The following KCTD21 variants were observed in gnomAD, a reference collection of about 807,000 sequenced individuals.
The protein encoded by KCTD21 is BTB/POZ domain-containing protein KCTD21.
A neutral mutation model predicts 13.2 loss-of-function variants in KCTD21; 9 were observed. The observed-to-expected ratio is 0.68, with a 90% CI of 0.41 to 1.19. The LOEUF (loss-of-function observed/expected upper bound fraction) is 1.19, where lower values mean the gene tolerates loss of function less well. Among genes scored for constraint, KCTD21 ranks in the 50% most tolerant of loss-of-function variants. The pLI is 0.01. For synonymous variants in KCTD21, 142 were observed against 137.4 expected, an observed-to-expected ratio of 1.03 and a Z score of -0.23; for missense variants, 303 against 336.5, an observed-to-expected ratio of 0.90 and a Z score of 0.78.
intron 1 of KCTD21, among the ~76,000 whole-genome samples, chr11:78,176,064 C>T (rs999947517): frequency 6.6e-6 from 1 of 152,160 alleles, no homozygotes; most frequent in African/African-American, 2.4e-5. Flanking sequence ...AGGACATGAA[C>T]TCATCATTTT....
At chr11:78,178,721 GGGCAAAAAATCTGA>G (rs1221375603) in intron 1 of KCTD21, among the ~76,000 whole-genome samples, 1 of 152,118 alleles carries the variant, frequency 6.6e-6, no homozygotes, top group Admixed American at 6.6e-5. Flanking sequence ...CCAAGGTCTG[GGGCAAAAAATCTGA>G]GGCCAATTCT....
At chr11:78,183,716 C>G (rs1271868414) in intron 1 of KCTD21, among the ~76,000 whole-genome samples, 1 of 149,946 alleles carries the variant, frequency 6.7e-6, no homozygotes, top group Non-Finnish European at 1.5e-5. Context: ...CTCACTGCAA[C>G]CTCCGCCTCC....
intron 1 of KCTD21, chr11:78,188,055 T>TATGCA (rs1204293865): frequency 1.0e-6 from 1 of 985,336 alleles, no homozygotes; most frequent in Non-Finnish European, 1.2e-6. Flanking sequence ...GGAGGTGTTC[T>TATGCA]ATGCATCACA....
chr11:78,187,038 C>G (rs1203672224), intron 1 of KCTD21: 2 of 985,294 alleles, frequency 2.0e-6, no homozygotes, highest in Non-Finnish European at 2.4e-6. Context: ...AATTTTCAAT[C>G]TGGAATCTAA....
At chr11:78,185,618 G>C (rs1030736211) in intron 1 of KCTD21, among the ~76,000 whole-genome samples, 1 of 151,598 alleles carries the variant, frequency 6.6e-6, no homozygotes, top group African/African-American at 2.4e-5. Context: ...TTGAGATAGA[G>C]TCTCGCTCTG....
chr11:78,187,103 C>T (rs1552347), intron 1 of KCTD21: 21,725 of 985,318 alleles, frequency 0.022, 260 homozygotes, highest in South Asian at 0.047. Flanking sequence ...GGAGAGTTTC[C>T]ACTGCGTAAG....
At chr11:78,178,213 C>A (rs1293316821) in intron 1 of KCTD21, among the ~76,000 whole-genome samples, 1 of 151,818 alleles carries the variant, frequency 6.6e-6, no homozygotes, top group African/African-American at 2.4e-5. Context: ...GCAACCTCTG[C>A]CTCCCAGATT....
At chr11:78,180,655 C>A (rs1862588815) in intron 1 of KCTD21, among the ~76,000 whole-genome samples, 2 of 103,002 alleles carry the variant, frequency 1.9e-5, no homozygotes, top group Non-Finnish European at 2.3e-5. Flanking sequence ...TACTATATAC[C>A]TATTAGTGGC....
chr11:78,187,344 C>T (rs1324820191), intron 1 of KCTD21: 2 of 985,214 alleles, frequency 2.0e-6, no homozygotes, highest in Non-Finnish European at 2.4e-6. Flanking sequence ...CTAAGAAATC[C>T]GAAGGCTGCT....
chr11:78,174,694 T>G (rs901728435), intron 1 of KCTD21, 111 bp from the exon 2 acceptor site: 6 of 705,358 alleles, frequency 8.5e-6, no homozygotes, highest in African/African-American at 1.8e-5. Context: ...CGAAATGAAT[T>G]AATACCTGAT....
intron 1 of KCTD21, among the ~76,000 whole-genome samples, chr11:78,175,743 T>TTTA (rs1191255249): frequency 6.6e-6 from 1 of 152,132 alleles, no homozygotes; most frequent in African/African-American, 2.4e-5. Flanking sequence ...TTTTTTAAAT[T>TTTA]TTATTATTAT....
At position 78,171,339 on chromosome 11, in the gene KCTD21, G is replaced by A. The variant is rs1481637356; in HGVS notation, c.*2433C>T. The A allele has an allele frequency of 6.6e-6, 1 of 152,652 alleles. No individual in the cohort carries two copies. The highest frequency in any genetic ancestry group is 1.9e-4 in the East Asian group (1 of 5,200). 9.5% of individuals were successfully genotyped at this position (152,652 alleles called of 1,614,324 possible). A position where few individuals can be genotyped will look rare whatever the true frequency, so the allele number is the denominator to read the frequency against. Reference sequence around the variant, plus strand: ...GAGGTAGGTAGGGTTATGTATTACTGTTATGCCTATTTCACAGATGAAGAA... The same window carrying A: ...GAGGTAGGTAGGGTTATGTATTACTATTATGCCTATTTCACAGATGAAGAA... On this transcript the variant is annotated 3_prime_UTR_variant, in exon 2 of 2. Transcript: ENST00000340067.
chr11:78,183,858 ATC>A (rs1212612651), intron 1 of KCTD21, among the ~76,000 whole-genome samples: 1 of 151,980 alleles, frequency 6.6e-6, no homozygotes, highest in African/African-American at 2.4e-5. Flanking sequence ...GATGGTCTCG[ATC>A]TCCTGACCTC....
At position 78,174,469 on chromosome 11, in the gene KCTD21, A is replaced by T; in HGVS notation, c.86T>A (p.Leu29Gln). 6.2e-7 allele frequency: 1 copy of T among 1,614,082 alleles called. No homozygotes were observed. Among genetic ancestry groups the T allele is most frequent in the Non-Finnish European group, 8.5e-7 (1 of 1,179,994 alleles). Residue 29 changes from leucine to glutamine, a missense_variant, in exon 2 of 2, where the codon CTA becomes CAA. Leu to Gln is a moderately radical substitution (Grantham distance 113). Transcript: ENST00000340067. ...CATCTTCCCGCTGAACATGGCGCCT[A>T]GCATGGAGTCAGGGAAGCTGGTCAG... Reference protein sequence around the residue: ...ATLTSFPDSMLGAMFSGKMPT... With the variant: ...ATLTSFPDSMQGAMFSGKMPT...
rs17136335 is a variant in KCTD21, at chr11:78,187,598, T to C, written c.-30+975A>G. 4,702 of 985,396 alleles carry C rather than the reference T, an allele frequency of 4.8e-3. 181 individuals carry two copies. The African/African-American group carries it at 0.076, about 16-fold the overall frequency. The allele number at this position is 985,396 out of a possible 1,614,324, so 61.0% of individuals were successfully genotyped here. Reference sequence around the variant, plus strand: ...CACTCTCACGCTTCACCTTGTGCTTTTCCTCCGGCACCAGCACCCCATTTC... The same window carrying C: ...CACTCTCACGCTTCACCTTGTGCTTCTCCTCCGGCACCAGCACCCCATTTC... On this transcript the variant is annotated intron_variant, in intron 1 of 1. Transcript: ENST00000340067.
intron 1 of KCTD21, among the ~76,000 whole-genome samples, chr11:78,175,972 G>C (rs1057429681): frequency 2.0e-5 from 3 of 152,062 alleles, no homozygotes; most frequent in Admixed American, 2.0e-4. Flanking sequence ...CTATGAGTGA[G>C]AACATGCGGT....
In KCTD21 at chr11:78,174,028, C is replaced by T. The variant is rs1366844379; in HGVS notation, c.527G>A (p.Ser176Asn). The T allele has an allele frequency of 6.2e-7, 1 of 1,614,026 alleles. No individual in the cohort carries two copies. Among genetic ancestry groups the T allele is most frequent in the East Asian group, 2.2e-5 (1 of 44,856 alleles). ...CSNGNLSSIT[S>N]HLQDPNHLTL... ...CAGGTGGTTGGGGTCCTGCAAGTGG[C>T]TGGTGATGGAGGAGAGATTGCCATT... is the stretch of plus-strand genomic sequence containing the variant. Residue 176 changes from serine (S) to asparagine (N), a missense_variant, in exon 2 of 2, where the codon AGC (serine) becomes AAC (asparagine). Physicochemically the swap from Ser to Asn is conservative, Grantham distance 46. Transcript: ENST00000340067.
At chr11:78,187,128 G>A in intron 1 of KCTD21, 1 of 985,424 alleles carries the variant, frequency 1.0e-6, no homozygotes, top group South Asian at 4.7e-5. Flanking sequence ...TGGACAGCAC[G>A]TGGCTGGGTA....
intron 1 of KCTD21, among the ~76,000 whole-genome samples, chr11:78,183,983 T>G (rs1862702465): frequency 6.6e-6 from 1 of 152,198 alleles, no homozygotes; most frequent in South Asian, 2.1e-4. Context: ...ACAGAAGGAA[T>G]GGCAGAATTA....
Sources: allele counts gnomAD v4.1 joint callset (sites outside exome capture counted in the v4.1 genomes callset), GRCh38; gene constraint gnomAD v4.1.1; transcripts MANE v1.5; gene names NCBI Gene and HGNC (gene_info 2026-07-23, HGNC 2026-07-21).